The following WDR64 variants were observed in gnomAD, a reference collection of about 807,000 sequenced individuals.
WDR64 encodes WD repeat-containing protein 64.
A neutral mutation model predicts 139.3 loss-of-function variants in WDR64; 112 were observed. The ratio of observed to expected loss-of-function variants is 0.80; its 90% CI spans 0.69 to 0.94. The LOEUF is 0.94. WDR64 is among the 40% of genes least tolerant of loss of function. The pLI, the probability that WDR64 is intolerant of heterozygous loss-of-function variation, is 0.00. For synonymous variants in WDR64, 444 were observed against 437.7 expected, an observed-to-expected ratio of 1.01 and a Z score of -0.18; for missense variants, 1,206 against 1,293.1, an observed-to-expected ratio of 0.93 and a Z score of 1.03.
At chr1:241,770,429 G>C (rs1005331678) in intron 17 of WDR64, 192 bp from the exon 18 acceptor site, 3 of 477,952 alleles carry the variant, frequency 6.3e-6, no homozygotes, top group Non-Finnish European at 1.1e-5. Flanking sequence ...GGCTCCCCAA[G>C]AGTCTCCACC....
chr1:241,730,690 A>T (rs1669043159), intron 10 of WDR64, among the ~76,000 whole-genome samples: 1 of 152,192 alleles, frequency 6.6e-6, no homozygotes, highest in Admixed American at 6.5e-5. Context: ...CTGCATTAAT[A>T]TGTCAACCAA....
At position 241,721,234 on chromosome 1, in the gene WDR64, C is replaced by T. The variant is rs554012277; in HGVS notation, c.1055-2063C>T. ...AGTTTGAAGTGGGATAGTGTGATGC[C>T]GTCAGCTTCGTTCTTTTTGCTTAGG... On this transcript the variant is annotated intron_variant, in intron 9 of 27. Coordinates refer to ENST00000437684, the MANE Select transcript of WDR64 (RefSeq NM_001367482.1). Among the ~76,000 whole-genome samples the T allele has an allele frequency of 4.0e-4, 61 of 152,232 alleles. 2 individuals are homozygous for T. The South Asian group carries it at 0.012, about 30-fold the overall frequency.
rs887916667 is a variant in WDR64, at chr1:241,661,958, T to C, written c.276+1298T>C. ...TTACATAGTTTTGATAGAGGCTGAA[T>C]GGCCTGCAGGCCTAAAATATTTACT... On this transcript the variant is annotated intron_variant, in intron 2 of 27. Coordinates refer to ENST00000437684, the MANE Select transcript of WDR64 (RefSeq NM_001367482.1). 2.2e-4 allele frequency among the ~76,000 whole-genome samples: 34 copies of C among 152,350 alleles called. 1 individual carries two copies. The highest frequency in any genetic ancestry group is 1.2e-3 in the South Asian group (6 of 4,830).
rs1340909455 is a variant in WDR64 at position 241,675,061 on chromosome 1, T to TCCC, written c.483+314_483+315insCCC. 1.5e-3 allele frequency among the ~76,000 whole-genome samples: 112 copies of TCCC among 74,626 alleles called. 14 individuals carry two copies. Among genetic ancestry groups the TCCC allele is most frequent in the Non-Finnish European group, 1.8e-3 (69 of 38,744 alleles). The allele number at this position is 74,626 out of a possible 152,430, so 49.0% of individuals were successfully genotyped here. A position where few individuals can be genotyped will look rare whatever the true frequency, so the allele number is the denominator to read the frequency against. ...CTTCTTCTTTCCTTCCTTTTCTCCC[T>TCCC]TCCTCCTTCCTGCCTCCCTCCCTTC... On this transcript the variant is annotated intron_variant, in intron 4 of 27. Coordinates refer to ENST00000437684, the MANE Select transcript of WDR64 (RefSeq NM_001367482.1).
intron 22 of WDR64, among the ~76,000 whole-genome samples, chr1:241,780,503 T>A (rs1396725548): frequency 6.6e-6 from 1 of 152,196 alleles, no homozygotes; most frequent in Non-Finnish European, 1.5e-5. Flanking sequence ...GCACATTTTA[T>A]TCTATTTTTT....
chr1:241,799,226 C>T (rs141653113), intron 27 of WDR64, among the ~76,000 whole-genome samples: 1 of 64,184 alleles, frequency 1.6e-5, no homozygotes, highest in East Asian at 5.7e-4. Flanking sequence ...AAAAAAAATA[C>T]AAAAATTAGC....
chr1:241,799,265 C>CAGCT (rs1410159492), intron 27 of WDR64, among the ~76,000 whole-genome samples: 20 of 144,400 alleles, frequency 1.4e-4, no homozygotes. Context: ...CCTGTAGTCC[C>CAGCT]AGCTGCTTGG....
Position 241,682,926 on chromosome 1 carries a change from T to G in WDR64, c.625-561T>G, listed in dbSNP as rs192868661. The stretch of plus-strand genomic sequence containing the variant: ...TTCTTGGCACACAGAAGGAAATATA[T>G]AGATAAATGTTTGTTGACTGAACAA... On this transcript the variant is annotated intron_variant, in intron 6 of 27. Coordinates refer to ENST00000437684, the MANE Select transcript of WDR64 (RefSeq NM_001367482.1). Among the ~76,000 whole-genome samples, 7 of 152,346 alleles carry G rather than the reference T, an allele frequency of 4.6e-5. No homozygotes were observed. In the East Asian group the frequency reaches 1.2e-3, roughly 25 times the overall value.
intron 13 of WDR64, among the ~76,000 whole-genome samples, chr1:241,747,588 A>C (rs1433995522): frequency 6.6e-6 from 1 of 152,224 alleles, no homozygotes; most frequent in African/African-American, 2.4e-5. Flanking sequence ...GATTAATTAA[A>C]ATGCTTTAAG....
At chr1:241,773,425 C>A (rs1454199025) in intron 20 of WDR64, among the ~76,000 whole-genome samples, 4 of 152,072 alleles carry the variant, frequency 2.6e-5, no homozygotes, top group Non-Finnish European at 4.4e-5. Flanking sequence ...ATCTATTGAG[C>A]CTGCTTATAA....
chr1:241,758,437 T>C (rs1439532921), intron 15 of WDR64, among the ~76,000 whole-genome samples: 1 of 152,068 alleles, frequency 6.6e-6, no homozygotes, highest in African/African-American at 2.4e-5. Flanking sequence ...AGAAAACCTC[T>C]CCTTTACCAA....
chr1:241,711,148 A>G (rs1250815575), intron 8 of WDR64, among the ~76,000 whole-genome samples: 1 of 151,992 alleles, frequency 6.6e-6, no homozygotes, highest in African/African-American at 2.4e-5. Flanking sequence ...GAGGCAGGAA[A>G]ATTGCTTGAA....
intron 14 of WDR64, among the ~76,000 whole-genome samples, chr1:241,753,540 C>T (rs560410859): frequency 1.3e-5 from 2 of 152,184 alleles, no homozygotes; most frequent in Admixed American, 6.5e-5. Context: ...TCCATCTCTA[C>T]AAAAAATACA....
At chr1:241,731,065 C>T (rs1046529697) in intron 10 of WDR64, among the ~76,000 whole-genome samples, 1 of 152,192 alleles carries the variant, frequency 6.6e-6, no homozygotes, top group African/African-American at 2.4e-5. Context: ...TATTGCTTTA[C>T]AAAGCCAGTG....
At chr1:241,765,085 C>A (rs1269575149) in intron 15 of WDR64, among the ~76,000 whole-genome samples, 1 of 150,544 alleles carries the variant, frequency 6.6e-6, no homozygotes, top group Non-Finnish European at 1.5e-5. Flanking sequence ...TACTCCAGAG[C>A]CCAAGGTGGG....
At chr1:241,744,558 C>A in intron 13 of WDR64, 42 bp downstream of exon 13, 1 of 1,607,374 alleles carries the variant, frequency 6.2e-7, no homozygotes, top group Non-Finnish European at 8.5e-7. Context: ...GCTTTAGTGT[C>A]CTGAGAATTT....
intron 15 of WDR64, among the ~76,000 whole-genome samples, chr1:241,761,367 C>T (rs1411359419): frequency 6.6e-6 from 1 of 151,980 alleles, no homozygotes; most frequent in African/African-American, 2.4e-5. Context: ...AATATAGCCC[C>T]AAACTTACCC....
rs999377322 is a variant in WDR64 at position 241,801,348 on chromosome 1, T to C, written c.*133T>C. ...CTCTGGTGTCAGGCCATCCTATTGA[T>C]GGGAAAGATTGCTTAGGGAGTTCTG... is the stretch of plus-strand genomic sequence containing the variant. On this transcript the variant is annotated 3_prime_UTR_variant, in exon 28 of 28. Transcript: ENST00000437684. The C allele has an allele frequency of 1.4e-6, 1 of 724,428 alleles. No individual in the cohort carries two copies. Among genetic ancestry groups the C allele is most frequent in the Non-Finnish European group, 2.2e-6 (1 of 445,088 alleles). The allele number at this position is 724,428 out of a possible 1,614,324, so 44.9% of individuals were successfully genotyped here. A position where few individuals can be genotyped will look rare whatever the true frequency, so the allele number is the denominator to read the frequency against.
In WDR64 at chr1:241,687,071, G is replaced by A. The variant is rs184597738; in HGVS notation, c.840-390G>A. 7.5e-3 allele frequency among the ~76,000 whole-genome samples: 1,145 copies of A among 152,230 alleles called. 48 individuals carry two copies. The highest frequency in any genetic ancestry group is 0.064 in the Admixed American group (981 of 15,290). ...TGTAACCCCAGTACTTTGGGAGGCC[G>A]AGGCAGGCAGATCACCTGAGGTCAG... On this transcript the variant is annotated intron_variant, in intron 7 of 27. Coordinates refer to ENST00000437684, the MANE Select transcript of WDR64 (RefSeq NM_001367482.1).
Sources: gnomAD v4.1 joint callset for allele counts (sites outside exome capture counted in the v4.1 genomes callset) on GRCh38, gnomAD v4.1.1 for gene constraint, MANE v1.5 for transcripts, NCBI Gene and HGNC (gene_info 2026-07-23, HGNC 2026-07-21) for gene names.